The following MROH9 variants were observed in gnomAD, a reference collection of about 807,000 sequenced individuals.
The protein encoded by MROH9 is maestro heat like repeat family member 9.
A neutral mutation model predicts 98.2 loss-of-function variants in MROH9; 92 were observed. The observed-to-expected ratio is 0.94, with a 90% CI of 0.79 to 1.11. The LOEUF (loss-of-function observed/expected upper bound fraction) is 1.11, where lower values mean the gene tolerates loss of function less well. Ranked by LOEUF, MROH9 falls within the 50% of genes most tolerant of loss-of-function variation. The pLI is 0.00. For synonymous variants in MROH9, 397 were observed against 368.9 expected, an observed-to-expected ratio of 1.08 and a Z score of -0.87; for missense variants, 1,057 against 1,014.8, an observed-to-expected ratio of 1.04 and a Z score of -0.57.
At chr1:170,975,276 G>GATAAAACATGTTAACAATA (rs1650637405) in intron 8 of MROH9, among the ~76,000 whole-genome samples, 1 of 151,998 alleles carries the variant, frequency 6.6e-6, no homozygotes, top group South Asian at 2.1e-4. Context: ...GTTAGACAAT[G>GATAAAACATGTTAACAATA]ATATAACATG....
chr1:170,960,677 C>T (rs1028386477), intron 5 of MROH9, among the ~76,000 whole-genome samples: 4 of 152,204 alleles, frequency 2.6e-5, no homozygotes, highest in African/African-American at 9.6e-5. Flanking sequence ...AACTAGAGTT[C>T]AGTGGCACTA....
At position 170,965,531 on chromosome 1, in the gene MROH9, T is replaced by C. The variant is rs940107524; in HGVS notation, c.480+276T>C. Among the ~76,000 whole-genome samples, 7 of 152,288 alleles carry C rather than the reference T, an allele frequency of 4.6e-5. No individual in the cohort carries two copies. In the Middle Eastern group the frequency reaches 0.014, roughly 296 times the overall value. Reference sequence around the variant, plus strand: ...CTTGCTGACTCTGAAATTTCCTCTGTAGACCACAATTTGTAATCTTTAAAA... The same window carrying C: ...CTTGCTGACTCTGAAATTTCCTCTGCAGACCACAATTTGTAATCTTTAAAA... On this transcript the variant is annotated intron_variant, in intron 7 of 21. Transcript: ENST00000367759.
At position 170,995,365 on chromosome 1, in the gene MROH9, A is replaced by G. The variant is rs1289482131; in HGVS notation, c.1195-24A>G. 4 of 1,611,900 alleles carry G rather than the reference A, an allele frequency of 2.5e-6. No homozygotes were observed. The African/African-American group carries it at 4.0e-5, about 16-fold the overall frequency. On this transcript the variant is annotated intron_variant, in intron 12 of 21. Coordinates refer to ENST00000367759, the MANE Select transcript of MROH9 (RefSeq NM_001163629.2). ...TTTAGAGAAAAATGTTTACATTTCTACCTCCTATTTCCTTCCCTTATAGGC... is the reference window on the plus strand; with the variant it reads ...TTTAGAGAAAAATGTTTACATTTCTGCCTCCTATTTCCTTCCCTTATAGGC...
At position 170,995,385 on chromosome 1, in the gene MROH9, A is replaced by G. The variant is rs750375775; in HGVS notation, c.1195-4A>G. 5.6e-6 allele frequency: 9 copies of G among 1,613,184 alleles called. No individual in the cohort carries two copies. The highest frequency in any genetic ancestry group is 7.6e-6 in the Non-Finnish European group (9 of 1,179,430). ...TTTCTACCTCCTATTTCCTTCCCTT[A>G]TAGGCATGCCAGGCCCTGTGCACCT... On this transcript the variant is annotated splice_polypyrimidine_tract_variant and splice_region_variant and intron_variant, in intron 12 of 21. Transcript: ENST00000367759.
At position 170,937,996 on chromosome 1, in the gene MROH9, A is replaced by G. The variant is rs1044824031; in HGVS notation, c.-38+2409A>G. On this transcript the variant is annotated intron_variant, in intron 1 of 21. Coordinates refer to ENST00000367759, the MANE Select transcript of MROH9 (RefSeq NM_001163629.2). Reference sequence around the variant, plus strand: ...TTGTAGTTTTCCATTGATCTTAATCACAGGACACAGTAATACTAAGAGACA... The same window carrying G: ...TTGTAGTTTTCCATTGATCTTAATCGCAGGACACAGTAATACTAAGAGACA... 2.0e-5 allele frequency among the ~76,000 whole-genome samples: 3 copies of G among 152,260 alleles called. No homozygotes were observed. The South Asian group carries it at 6.2e-4, about 32-fold the overall frequency.
chr1:170,978,268 T>C (rs555800359), intron 8 of MROH9, among the ~76,000 whole-genome samples: 1 of 152,216 alleles, frequency 6.6e-6, no homozygotes, highest in African/African-American at 2.4e-5. Context: ...GTGACTGTGG[T>C]GTGCTATAAG....
intron 1 of MROH9, among the ~76,000 whole-genome samples, chr1:170,945,000 G>A (rs1364087394): frequency 3.3e-5 from 5 of 151,992 alleles, no homozygotes; most frequent in Admixed American, 3.3e-4. Context: ...AAGAGTATTT[G>A]AGTGGCCTGC....
intron 20 of MROH9, among the ~76,000 whole-genome samples, chr1:171,030,525 G>A (rs1473046495): frequency 6.6e-6 from 1 of 152,100 alleles, no homozygotes; most frequent in African/African-American, 2.4e-5. Context: ...CTTGATTTCT[G>A]CCCTAATTTC....
chr1:170,953,770 A>G (rs1314625595), intron 3 of MROH9, among the ~76,000 whole-genome samples: 1 of 147,762 alleles, frequency 6.8e-6, no homozygotes, highest in African/African-American at 2.5e-5. Flanking sequence ...AGAGAAAGAA[A>G]GGATGGAGAG....
chr1:170,997,982 T>C (rs565722178), intron 14 of MROH9, among the ~76,000 whole-genome samples, 172 bp from the exon 15 acceptor site: 2 of 152,324 alleles, frequency 1.3e-5, no homozygotes, highest in East Asian at 1.9e-4. Context: ...TCCAGTTATA[T>C]GTAATTCTCC....
rs1445436818 is a variant in MROH9, at chr1:170,947,507, A to G, written c.26-20A>G. ...GTCTATGTTCATTCCTTTTTAACGA[A>G]TCTCCTTCTTTCTGGCTAGAGAGTA... On this transcript the variant is annotated intron_variant, in intron 2 of 21. Transcript: ENST00000367759. 4 of 1,606,780 alleles carry G rather than the reference A, an allele frequency of 2.5e-6. No homozygotes were observed. The Admixed American group carries it at 5.0e-5, about 20-fold the overall frequency.
chr1:170,974,317 C>G (rs1650599395), intron 8 of MROH9, among the ~76,000 whole-genome samples: 1 of 152,000 alleles, frequency 6.6e-6, no homozygotes, highest in Admixed American at 6.6e-5. Flanking sequence ...CTGAAAAGCT[C>G]AGCAGAGAAC....
intron 17 of MROH9, among the ~76,000 whole-genome samples, chr1:171,023,765 T>G (rs1169725313): frequency 2.0e-5 from 3 of 149,932 alleles, no homozygotes; most frequent in Non-Finnish European, 4.4e-5. Flanking sequence ...GTGAGAACGT[T>G]TGAGATCTAA....
At chr1:170,936,068 G>A (rs901800359) in intron 1 of MROH9, among the ~76,000 whole-genome samples, 1 of 150,982 alleles carries the variant, frequency 6.6e-6, no homozygotes, top group Non-Finnish European at 1.5e-5. Flanking sequence ...GCCAAAGTTG[G>A]CAATTGGAAG....
At chr1:171,032,074 A>G (rs1652933572) in intron 20 of MROH9, among the ~76,000 whole-genome samples, 1 of 152,052 alleles carries the variant, frequency 6.6e-6, no homozygotes, top group Non-Finnish European at 1.5e-5. Flanking sequence ...CAGTTCGGCT[A>G]TTGATAGCTG....
chr1:171,016,053 C>A, intron 16 of MROH9, 110 bp from the exon 17 acceptor site: 1 of 619,874 alleles, frequency 1.6e-6, no homozygotes, highest in Non-Finnish European at 2.4e-6. Flanking sequence ...TTTCGTGAGT[C>A]GGCTTCCGCA....
intron 20 of MROH9, among the ~76,000 whole-genome samples, chr1:171,036,996 A>T (rs1410515591): frequency 6.6e-6 from 1 of 151,848 alleles, no homozygotes. Flanking sequence ...GGAGGAAAAA[A>T]TAGCGTTTAT....
At chr1:170,963,131 A>T (rs1355830451) in intron 6 of MROH9, among the ~76,000 whole-genome samples, 1 of 150,504 alleles carries the variant, frequency 6.6e-6, no homozygotes, top group East Asian at 1.9e-4. Flanking sequence ...ACTTAAGTTT[A>T]CAAGAAAAAA....
chr1:170,938,803 C>T (rs1557865069), intron 1 of MROH9, among the ~76,000 whole-genome samples: 1 of 152,262 alleles, frequency 6.6e-6, no homozygotes, highest in African/African-American at 2.4e-5. Context: ...TGTAGTCAAG[C>T]TGCCACCAGG....
Sources: allele counts gnomAD v4.1 joint callset (sites outside exome capture counted in the v4.1 genomes callset), GRCh38; gene constraint gnomAD v4.1.1; transcripts MANE v1.5; gene names NCBI Gene and HGNC (gene_info 2026-07-23, HGNC 2026-07-21).